Variants in WRN observed in about 807,000 individuals in gnomAD.
WRN encodes WRN RecQ like helicase.
WRN carries 149 observed loss-of-function variants against 180.7 expected under a neutral mutation model. That is an observed-to-expected ratio of 0.82 (90% confidence interval 0.72 to 0.94). WRN has a LOEUF of 0.94. WRN is among the 40% of genes least tolerant of loss of function. The pLI is 0.00. For synonymous variants in WRN, 548 were observed against 568.9 expected (o/e 0.96, Z 0.52); for missense variants, 1,661 against 1,700.1 (o/e 0.98, Z 0.40).
chr8:31,036,015 C>G (rs192469475), intron 1 of WRN, among the ~76,000 whole-genome samples: 1 of 152,272 alleles, frequency 6.6e-6, no homozygotes, highest in Non-Finnish European at 1.5e-5. Context: ...CTCTTCATTC[C>G]CACCACCCAT....
rs189276017 is a variant in WRN at position 31,167,381 on chromosome 8, A to T, written c.4191+151A>T. The T allele has an allele frequency of 1.6e-4, 118 of 725,020 alleles. No homozygotes were observed. The East Asian group carries it at 2.7e-3, about 16-fold the overall frequency. The allele number at this position is 725,020 out of a possible 1,614,324, so 44.9% of individuals were successfully genotyped here. ...ATTTCCTTTGCTTTTCATAAATATG[A>T]TCTGAGAAAAGTGATTAAAAAAAAG... On this transcript the variant is annotated intron_variant, in intron 34 of 34. Coordinates refer to ENST00000298139, the MANE Select transcript of WRN (RefSeq NM_000553.6).
In WRN at chr8:31,116,394, C is replaced by T; in HGVS notation, c.2314C>T (p.Pro772Ser). The change falls in exon 20 of 35, where the codon CCT becomes TCT. Residue 772 changes from proline (P) to serine (S), a missense_variant. Physicochemically the swap from Pro to Ser is moderately conservative, Grantham distance 74. This residue lies in a region of WRN where 1,141 missense variants were observed against 1,149.4 expected (regional missense o/e 0.99). Coordinates refer to ENST00000298139, the MANE Select transcript of WRN (RefSeq NM_000553.6). ...EFEGPTIIYC[P>S]SRKMTQQVTG... The stretch of plus-strand genomic sequence containing the variant: ...TGAAGGTCCAACAATCATCTACTGT[C>T]CTTCTAGAAAAATGACACAACAAGT... 1 of 1,613,940 alleles carries T rather than the reference C, an allele frequency of 6.2e-7. No homozygotes were observed. The highest frequency in any genetic ancestry group is 8.5e-7 in the Non-Finnish European group (1 of 1,179,950).
At chr8:31,159,408 G>A (rs1045574536) in intron 33 of WRN, among the ~76,000 whole-genome samples, 16 of 152,014 alleles carry the variant, frequency 1.1e-4, no homozygotes, top group African/African-American at 3.9e-4. Context: ...GAAAAACTAC[G>A]TGTTGGGTAC....
rs747317429 is a variant in WRN at position 31,111,718 on chromosome 8, A to T, written c.2192A>T (p.Asp731Val). 1 of 1,614,060 alleles carries T rather than the reference A, an allele frequency of 6.2e-7. No homozygotes were observed. Among genetic ancestry groups the T allele is most frequent in the East Asian group, 2.2e-5 (1 of 44,854 alleles). ...CCTCAGATCACCTGTACTGGTTTTGATCGACCAAACCTGTATTTAGAAGTT... is the reference window on the plus strand; with the variant it reads ...CCTCAGATCACCTGTACTGGTTTTGTTCGACCAAACCTGTATTTAGAAGTT... ...RNPQITCTGF[D>V]RPNLYLEVRR... Residue 731 changes from aspartate to valine, a missense_variant, in exon 19 of 35, where the codon GAT becomes GTT. Coordinates refer to ENST00000298139, the MANE Select transcript of WRN (RefSeq NM_000553.6).
intron 8 of WRN, among the ~76,000 whole-genome samples, chr8:31,078,209 T>A (rs1047105972): frequency 1.3e-5 from 2 of 152,182 alleles, no homozygotes; most frequent in Non-Finnish European, 2.9e-5. Flanking sequence ...TAGGTTTTCT[T>A]AAAACTTGGA....
intron 7 of WRN, among the ~76,000 whole-genome samples, chr8:31,069,139 A>AT (rs1812817143): frequency 6.6e-6 from 1 of 152,222 alleles, no homozygotes; most frequent in Non-Finnish European, 1.5e-5. Flanking sequence ...CCTTTTGGAG[A>AT]TTTTAAATGA....
At chr8:31,046,770 C>T (rs373344589) in intron 1 of WRN, among the ~76,000 whole-genome samples, 1 of 152,180 alleles carries the variant, frequency 6.6e-6, no homozygotes, top group Admixed American at 6.5e-5. Context: ...TGATGTGAAG[C>T]AGGAGACATC....
At chr8:31,112,304 T>C (rs1021083225) in intron 19 of WRN, among the ~76,000 whole-genome samples, 8 of 152,164 alleles carry the variant, frequency 5.3e-5, no homozygotes, top group African/African-American at 1.9e-4. Flanking sequence ...TTCATCTGAA[T>C]TCTGTCTAGT....
At chr8:31,054,147 T>A (rs1365422619) in intron 1 of WRN, among the ~76,000 whole-genome samples, 3 of 152,098 alleles carry the variant, frequency 2.0e-5, no homozygotes, top group Non-Finnish European at 2.9e-5. Context: ...AAAGTCTTGG[T>A]CAGGAGTAGA....
At chr8:31,122,942 T>C (rs1017089574) in intron 21 of WRN, among the ~76,000 whole-genome samples, 6 of 148,972 alleles carry the variant, frequency 4.0e-5, no homozygotes, top group Admixed American at 2.1e-4. Flanking sequence ...AAAGAACTGA[T>C]TTTTATCCCT....
At chr8:31,087,185 G>A (rs959997442) in intron 11 of WRN, among the ~76,000 whole-genome samples, 2 of 152,076 alleles carry the variant, frequency 1.3e-5, no homozygotes, top group African/African-American at 4.8e-5. Flanking sequence ...AAACAATTTT[G>A]AAATATTCTT....
intron 18 of WRN, among the ~76,000 whole-genome samples, chr8:31,108,013 G>C (rs902884096): frequency 6.6e-6 from 1 of 152,224 alleles, no homozygotes; most frequent in Non-Finnish European, 1.5e-5. Flanking sequence ...GTTAGAATTA[G>C]CAACATGACC....
At chr8:31,106,265 G>A (rs1317412803) in intron 18 of WRN, among the ~76,000 whole-genome samples, 2 of 152,014 alleles carry the variant, frequency 1.3e-5, no homozygotes, top group Non-Finnish European at 2.9e-5. Flanking sequence ...AGGGCCTCCT[G>A]CTTTCACTCT....
chr8:31,090,668 A>C, intron 14 of WRN, 136 bp downstream of exon 14: 1 of 1,095,270 alleles, frequency 9.1e-7, no homozygotes, highest in Non-Finnish European at 1.3e-6. Context: ...GAGTGAACAA[A>C]GAACAGATGC....
intron 24 of WRN, among the ~76,000 whole-genome samples, chr8:31,136,728 G>T (rs1420046054): frequency 6.6e-6 from 1 of 152,084 alleles, no homozygotes; most frequent in Non-Finnish European, 1.5e-5. Context: ...AGTCCTCCTT[G>T]TGGGAGGTTG....
intron 23 of WRN, chr8:31,131,783 C>CA (rs1169970162): frequency 3.2e-5 from 5 of 154,400 alleles, no homozygotes; most frequent in African/African-American, 1.2e-4. Flanking sequence ...TCCTTGTTCT[C>CA]AGTCTTGACT....
In WRN at chr8:31,040,167, G is replaced by A. The variant is rs920495564; in HGVS notation, c.-77+6194G>A. ...GGCTTTTGGCATGAGCAACCAGAAA[G>A]ATGAAGGTGACTTACTAAGATGGGA... On this transcript the variant is annotated intron_variant, in intron 1 of 34. Coordinates refer to ENST00000298139, the MANE Select transcript of WRN (RefSeq NM_000553.6). 7.9e-5 allele frequency among the ~76,000 whole-genome samples: 12 copies of A among 152,216 alleles called. 1 individual carries two copies. The highest frequency in any genetic ancestry group is 2.9e-4 in the African/African-American group (12 of 41,454).
At position 31,035,683 on chromosome 8, in the gene WRN, C is replaced by T. The variant is rs1231270539; in HGVS notation, c.-77+1710C>T. Among the ~76,000 whole-genome samples, 6 of 152,090 alleles carry T rather than the reference C, an allele frequency of 3.9e-5. No homozygotes were observed. The East Asian group carries it at 9.6e-4, about 24-fold the overall frequency. ...AGTAAGATATCATAAAATTTGCCATCTTAGTCTTTTTTGTATCTGGCCAAT... is the reference window on the plus strand; with the variant it reads ...AGTAAGATATCATAAAATTTGCCATTTTAGTCTTTTTTGTATCTGGCCAAT... On this transcript the variant is annotated intron_variant, in intron 1 of 34. Transcript: ENST00000298139.
intron 31 of WRN, among the ~76,000 whole-genome samples, 182 bp downstream of exon 31, chr8:31,150,637 T>A (rs1009547391): frequency 1.3e-5 from 2 of 152,244 alleles, no homozygotes; most frequent in African/African-American, 4.8e-5. Context: ...TTATCTACTT[T>A]TAAAGATGAT....
Sources: allele counts gnomAD v4.1 joint callset (sites outside exome capture counted in the v4.1 genomes callset), GRCh38; gene constraint gnomAD v4.1.1; regional missense constraint gnomAD v4.1.1; transcripts MANE v1.5; gene names NCBI Gene and HGNC (gene_info 2026-07-23, HGNC 2026-07-21).